The following DEPTOR variants were observed in gnomAD, a reference collection of about 807,000 sequenced individuals.
The protein encoded by DEPTOR is DEP domain-containing mTOR-interacting protein.
A neutral mutation model predicts 41.6 loss-of-function variants in DEPTOR; 41 were observed. The ratio of observed to expected loss-of-function variants is 0.98; its 90% confidence interval spans 0.77 to 1.28. The LOEUF (loss-of-function observed/expected upper bound fraction) is 1.28, where lower values mean the gene tolerates loss of function less well. DEPTOR is among the 50% of genes most tolerant of loss of function. The pLI, the probability that DEPTOR is intolerant of heterozygous loss-of-function variation, is 0.00. For synonymous variants in DEPTOR, 195 were observed against 192.3 expected (o/e 1.01, Z -0.12); for missense variants, 514 against 527.9 (o/e 0.97, Z 0.26).
intron 1 of DEPTOR, among the ~76,000 whole-genome samples, chr8:119,877,260 A>C (rs529209179): frequency 2.6e-5 from 4 of 152,302 alleles, no homozygotes; most frequent in South Asian, 4.1e-4. Context: ...TTTTATCTCA[A>C]CTGTTTTGGC....
chr8:119,995,711 G>A (rs1055943256), intron 4 of DEPTOR, among the ~76,000 whole-genome samples: 2 of 152,078 alleles, frequency 1.3e-5, no homozygotes, highest in Non-Finnish European at 2.9e-5. Flanking sequence ...CTTTTAGCAG[G>A]CTTTGGTATT....
Position 119,965,437 on chromosome 8 carries a change from C to T in DEPTOR, c.604+27C>T, listed in dbSNP as rs376342027. ...TGAGCGTATTGGGCAGCTTTTGCTG[C>T]AGGAACAAACAGCCAGCCCCAAATC... On this transcript the variant is annotated intron_variant, in intron 4 of 8. Transcript: ENST00000286234. 3.6e-4 allele frequency: 582 copies of T among 1,599,446 alleles called. 1 individual carries two copies. The highest frequency in any genetic ancestry group is 2.2e-4 in the Non-Finnish European group (255 of 1,173,360).
At chr8:119,912,064 A>T (rs973369262) in intron 1 of DEPTOR, among the ~76,000 whole-genome samples, 7 of 152,258 alleles carry the variant, frequency 4.6e-5, no homozygotes, top group African/African-American at 1.7e-4. Flanking sequence ...ATAGGTAAAC[A>T]TGAGCATTTT....
intron 8 of DEPTOR, among the ~76,000 whole-genome samples, chr8:120,017,480 G>A (rs935801858): frequency 6.6e-6 from 1 of 152,208 alleles, no homozygotes; most frequent in Non-Finnish European, 1.5e-5. Context: ...ATAGATGCGT[G>A]ACCTTTCGTG....
chr8:120,044,646 T>C (rs962945488), intron 8 of DEPTOR, among the ~76,000 whole-genome samples: 1 of 152,206 alleles, frequency 6.6e-6, no homozygotes, highest in Non-Finnish European at 1.5e-5. Flanking sequence ...GGAAAGGTGA[T>C]ACCTGAAAAG....
rs549464107 is a variant in DEPTOR, at chr8:120,012,617, A to G, written c.1101+3484A>G. Among the ~76,000 whole-genome samples the G allele has an allele frequency of 8.6e-5, 13 of 151,918 alleles. 2 individuals are homozygous for G. The South Asian group carries it at 2.1e-3, about 24-fold the overall frequency. ...AATGGTGCGATCTCTGCTCATTGCA[A>G]CCTCCACTTCCCAGGTTCAAGCAAT... On this transcript the variant is annotated intron_variant, in intron 8 of 8. Coordinates refer to ENST00000286234, the MANE Select transcript of DEPTOR (RefSeq NM_022783.4).
intron 1 of DEPTOR, among the ~76,000 whole-genome samples, chr8:119,901,412 C>G (rs1044141478): frequency 1.3e-5 from 2 of 152,120 alleles, no homozygotes; most frequent in East Asian, 3.9e-4. Flanking sequence ...CGTGGTGGCT[C>G]ACACCTGTAA....
chr8:119,952,416 TG>T (rs556327997), intron 3 of DEPTOR, among the ~76,000 whole-genome samples: 232 of 152,310 alleles, frequency 1.5e-3, no homozygotes, highest in Middle Eastern at 6.8e-3. Context: ...TTTCAGCCCC[TG>T]AACCTAGGTT....
At chr8:119,878,520 C>T (rs1052637605) in intron 1 of DEPTOR, among the ~76,000 whole-genome samples, 1 of 151,196 alleles carries the variant, frequency 6.6e-6, no homozygotes, top group Non-Finnish European at 1.5e-5. Context: ...GTAGAGACAG[C>T]GTTTCACCAT....
intron 3 of DEPTOR, among the ~76,000 whole-genome samples, chr8:119,935,667 G>T (rs1828102101): frequency 6.6e-6 from 1 of 150,940 alleles, no homozygotes; most frequent in African/African-American, 2.4e-5. Flanking sequence ...GTTGCAGTGA[G>T]CCAAGATCGC....
chr8:119,989,613 T>C (rs1438558887), intron 4 of DEPTOR, among the ~76,000 whole-genome samples: 1 of 151,838 alleles, frequency 6.6e-6, no homozygotes, highest in Non-Finnish European at 1.5e-5. Flanking sequence ...GGGAATATAA[T>C]ATATATGGGA....
chr8:119,877,295 C>T (rs1474747552), intron 1 of DEPTOR, among the ~76,000 whole-genome samples: 1 of 152,192 alleles, frequency 6.6e-6, no homozygotes, highest in Non-Finnish European at 1.5e-5. Context: ...ATAGTAACTA[C>T]TCAGTAAGTA....
chr8:119,956,742 T>TG (rs890890105), intron 3 of DEPTOR, among the ~76,000 whole-genome samples: 2 of 145,850 alleles, frequency 1.4e-5, no homozygotes, highest in African/African-American at 5.1e-5. Flanking sequence ...TTTTTTTTGT[T>TG]TTTTTTTTTT....
At chr8:119,889,615 G>A (rs1390409228) in intron 1 of DEPTOR, among the ~76,000 whole-genome samples, 1 of 98,842 alleles carries the variant, frequency 1.0e-5, no homozygotes, top group Non-Finnish European at 2.1e-5. Context: ...GGGAGGGGAC[G>A]GGAGGGGAGG....
intron 1 of DEPTOR, among the ~76,000 whole-genome samples, chr8:119,910,584 C>T (rs1827724243): frequency 6.6e-6 from 1 of 151,942 alleles, no homozygotes; most frequent in Non-Finnish European, 1.5e-5. Context: ...TCCCTAGTAG[C>T]TGAGATTATA....
At chr8:119,935,176 C>T (rs1437693729) in intron 3 of DEPTOR, among the ~76,000 whole-genome samples, 3 of 152,164 alleles carry the variant, frequency 2.0e-5, no homozygotes, top group East Asian at 3.8e-4. Context: ...TTTGTCTCTT[C>T]GGGAGGGGCT....
chr8:119,906,478 C>A (rs970266945), intron 1 of DEPTOR, among the ~76,000 whole-genome samples: 3 of 151,942 alleles, frequency 2.0e-5, no homozygotes, highest in Non-Finnish European at 2.9e-5. Context: ...AAATTAAAAT[C>A]CTTTTAAGAA....
At chr8:119,962,288 A>G (rs1489220018) in intron 3 of DEPTOR, among the ~76,000 whole-genome samples, 1 of 151,782 alleles carries the variant, frequency 6.6e-6, no homozygotes, top group East Asian at 1.9e-4. Flanking sequence ...AAAAACCCCA[A>G]AGTTTTATGG....
intron 8 of DEPTOR, among the ~76,000 whole-genome samples, chr8:120,033,241 C>A (rs566548365): frequency 4.2e-4 from 64 of 152,028 alleles, no homozygotes; most frequent in Non-Finnish European, 7.8e-4. Context: ...GCATGCACTA[C>A]CACGCTCAGC....
Sources: gnomAD v4.1 joint callset for allele counts (sites outside exome capture counted in the v4.1 genomes callset) on GRCh38, gnomAD v4.1.1 for gene constraint, MANE v1.5 for transcripts, NCBI Gene and HGNC (gene_info 2026-07-23, HGNC 2026-07-21) for gene names.